The following PCDH7 variants were observed in gnomAD, a reference collection of about 807,000 sequenced individuals.
PCDH7 encodes the protein protocadherin-7.
Under a neutral mutation model 58.9 loss-of-function variants are expected in PCDH7, and 17 were observed. The ratio of observed to expected loss-of-function variants is 0.29; its 90% confidence interval spans 0.20 to 0.43. The LOEUF (loss-of-function observed/expected upper bound fraction) is 0.43. PCDH7 is among the 20% of genes least tolerant of loss of function. The pLI is 1.00. For synonymous variants in PCDH7, 664 were observed against 616.4 expected, an observed-to-expected ratio of 1.08 and a Z score of -1.14; for missense variants, 1,274 against 1,441.0, an observed-to-expected ratio of 0.88 and a Z score of 1.88.
chr4:31,055,563 CT>C, intron 3 of PCDH7, among the ~76,000 whole-genome samples: 1 of 151,866 alleles, frequency 6.6e-6, no homozygotes, highest in Non-Finnish European at 1.5e-5. Context: ...AATATAAAGG[CT>C]TTGTTTTTTT....
intron 1 of PCDH7, among the ~76,000 whole-genome samples, chr4:30,766,745 C>A (rs1347374915): frequency 6.6e-6 from 1 of 151,882 alleles, no homozygotes. Flanking sequence ...ATTTTCTATA[C>A]TTTAGACATT....
chr4:31,123,967 G>A lies in PCDH7; in HGVS notation c.*8-18506G>A, dbSNP rs1049450361. ...TCCAGCTGCCTCTTCTCCTCTCAACGTCCAGATGCTTCTTCTCTTCTTTCC... is the reference window on the plus strand; with the variant it reads ...TCCAGCTGCCTCTTCTCCTCTCAACATCCAGATGCTTCTTCTCTTCTTTCC... On this transcript the variant is annotated intron_variant, in intron 3 of 3. Coordinates refer to the PCDH7 transcript ENST00000509759. Among the ~76,000 whole-genome samples the A allele has an allele frequency of 4.6e-5, 7 of 152,042 alleles. No homozygotes were observed. In the East Asian group the frequency reaches 5.8e-4, roughly 13 times the overall value.
At chr4:30,810,193 A>G (rs979546511) in intron 1 of PCDH7, among the ~76,000 whole-genome samples, 1 of 152,192 alleles carries the variant, frequency 6.6e-6, no homozygotes, top group Admixed American at 6.5e-5. Context: ...CATAATAATT[A>G]TCAGAGTATA....
chr4:30,891,407 A>G (rs956547463), intron 1 of PCDH7, among the ~76,000 whole-genome samples: 1 of 152,086 alleles, frequency 6.6e-6, no homozygotes, highest in Non-Finnish European at 1.5e-5. Context: ...ATGTAGAAAT[A>G]TTAAGCCTGA....
At chr4:30,998,683 G>A (rs1330135713) in intron 3 of PCDH7, among the ~76,000 whole-genome samples, 1 of 152,138 alleles carries the variant, frequency 6.6e-6, no homozygotes, top group African/African-American at 2.4e-5. Flanking sequence ...GAAGACAACA[G>A]TCTTAGAGAT....
intron 3 of PCDH7, among the ~76,000 whole-genome samples, chr4:31,138,327 G>T (rs1279485578): frequency 1.3e-5 from 2 of 152,102 alleles, no homozygotes; most frequent in Non-Finnish European, 2.9e-5. Context: ...TAGTTTTAGG[G>T]AGGTTGTTTC....
At chr4:31,014,003 T>C (rs1286861757) in intron 3 of PCDH7, among the ~76,000 whole-genome samples, 3 of 152,156 alleles carry the variant, frequency 2.0e-5, no homozygotes, top group Non-Finnish European at 2.9e-5. Context: ...CATACAGCAA[T>C]AAAAACTTTA....
intron 3 of PCDH7, among the ~76,000 whole-genome samples, chr4:31,081,146 A>G (rs1478916849): frequency 6.6e-6 from 1 of 152,242 alleles, no homozygotes; most frequent in Non-Finnish European, 1.5e-5. Context: ...ATTTTGGAAT[A>G]AAGAAGAAAA....
At chr4:30,783,755 C>T (rs1723076082) in intron 1 of PCDH7, among the ~76,000 whole-genome samples, 1 of 151,982 alleles carries the variant, frequency 6.6e-6, no homozygotes, top group Non-Finnish European at 1.5e-5. Flanking sequence ...CTATTGTTGG[C>T]CAAGAAGGTC....
intron 1 of PCDH7, among the ~76,000 whole-genome samples, chr4:30,741,037 G>A (rs796919698): frequency 2.2e-4 from 34 of 151,974 alleles, no homozygotes; most frequent in African/African-American, 7.5e-4. Context: ...GCTTTTCATT[G>A]TAGGATTTTT....
chr4:31,026,139 T>G (rs560944937), intron 3 of PCDH7, among the ~76,000 whole-genome samples: 1 of 152,208 alleles, frequency 6.6e-6, no homozygotes, highest in Admixed American at 6.5e-5. Context: ...TTGCCAGCAT[T>G]AGACTTTTAT....
intron 3 of PCDH7, among the ~76,000 whole-genome samples, chr4:31,031,231 A>T (rs1184081756): frequency 1.3e-5 from 2 of 152,186 alleles, no homozygotes; most frequent in African/African-American, 4.8e-5. Flanking sequence ...CGACCCCCCA[A>T]GGGACATTGG....
intron 1 of PCDH7, among the ~76,000 whole-genome samples, chr4:30,895,463 G>A (rs79571209): frequency 0.015 from 2,289 of 152,118 alleles, 24 homozygotes; most frequent in Non-Finnish European, 0.025. Flanking sequence ...ATGTAGGGTA[G>A]GACAAAACGG....
chr4:30,874,127 G>A (rs1735967436), intron 1 of PCDH7, among the ~76,000 whole-genome samples: 5 of 152,154 alleles, frequency 3.3e-5, no homozygotes, highest in African/African-American at 1.2e-4. Flanking sequence ...CATTGTGGAA[G>A]TCAGTGTGGC....
intron 2 of PCDH7, among the ~76,000 whole-genome samples, chr4:30,949,022 G>A (rs1346798441): frequency 1.3e-5 from 2 of 152,054 alleles, no homozygotes; most frequent in Non-Finnish European, 2.9e-5. Flanking sequence ...AAACAAGAAT[G>A]CAAACACGTA....
intron 2 of PCDH7, among the ~76,000 whole-genome samples, chr4:30,944,602 G>A (rs1196156213): frequency 6.6e-6 from 1 of 152,136 alleles, no homozygotes; most frequent in Non-Finnish European, 1.5e-5. Context: ...AACCAATCCA[G>A]TGGGGGAGAC....
intron 1 of PCDH7, among the ~76,000 whole-genome samples, chr4:30,850,769 C>G (rs2109346085): frequency 6.6e-6 from 1 of 152,230 alleles, no homozygotes; most frequent in South Asian, 2.1e-4. Context: ...CTGCTTATTC[C>G]TAGTCCCCAG....
chr4:30,883,899 T>C (rs1018026411), intron 1 of PCDH7, among the ~76,000 whole-genome samples: 20 of 152,332 alleles, frequency 1.3e-4, no homozygotes, highest in African/African-American at 4.1e-4. Flanking sequence ...CTTGTGGAGT[T>C]GAAGTGAACA....
At chr4:30,797,453 T>C (rs1010234607) in intron 1 of PCDH7, among the ~76,000 whole-genome samples, 1 of 151,782 alleles carries the variant, frequency 6.6e-6, no homozygotes, top group Non-Finnish European at 1.5e-5. Context: ...TTTTTGTAGT[T>C]TTAGTAGAGA....
Sources: allele counts gnomAD v4.1 joint callset (sites outside exome capture counted in the v4.1 genomes callset), GRCh38; gene constraint gnomAD v4.1.1; transcripts MANE v1.5; gene names NCBI Gene and HGNC (gene_info 2026-07-23, HGNC 2026-07-21).